The following RBPMS variants were observed in gnomAD, a reference collection of about 807,000 sequenced individuals.
RBPMS encodes the protein RNA-binding protein with multiple splicing.
RBPMS carries 7 observed loss-of-function variants against 26.8 expected under a neutral mutation model. The observed-to-expected ratio is 0.26, with a 90% confidence interval of 0.15 to 0.49. The LOEUF (loss-of-function observed/expected upper bound fraction) is 0.49, where lower values mean the gene tolerates loss of function less well. RBPMS is among the 20% of genes least tolerant of loss of function. RBPMS has a pLI of 0.98. For missense variants in RBPMS, 186 were observed against 250.0 expected (o/e 0.74, Z 1.73); for synonymous variants, 96 against 93.3 (o/e 1.03, Z -0.17).
intron 1 of RBPMS, among the ~76,000 whole-genome samples, chr8:30,419,501 A>G (rs1450130621): frequency 7.3e-6 from 1 of 137,180 alleles, no homozygotes; most frequent in Non-Finnish European, 1.6e-5. Flanking sequence ...GGAAAGTAGT[A>G]CAGGTAGAGA....
intron 1 of RBPMS, among the ~76,000 whole-genome samples, chr8:30,466,743 G>A (rs374666826): frequency 2.6e-4 from 39 of 151,748 alleles, no homozygotes; most frequent in African/African-American, 9.2e-4. Flanking sequence ...TACAGGTGCC[G>A]ACCACCACGC....
intron 6 of RBPMS, chr8:30,555,937 G>T (rs1481892614): frequency 1.0e-6 from 1 of 985,346 alleles, no homozygotes. Flanking sequence ...CCCGAACTCT[G>T]CTGTGCACCA....
At chr8:30,428,360 G>A (rs1422522493) in intron 1 of RBPMS, among the ~76,000 whole-genome samples, 1 of 152,030 alleles carries the variant, frequency 6.6e-6, no homozygotes, top group Non-Finnish European at 1.5e-5. Flanking sequence ...GGAGACAGAG[G>A]TGGGAGGATC....
At chr8:30,513,385 T>C (rs948032823) in intron 5 of RBPMS, among the ~76,000 whole-genome samples, 4 of 151,834 alleles carry the variant, frequency 2.6e-5, no homozygotes, top group African/African-American at 9.7e-5. Flanking sequence ...GTCAGGAGAT[T>C]GAGACCATCC....
intron 1 of RBPMS, among the ~76,000 whole-genome samples, chr8:30,430,028 G>A (rs1402992540): frequency 1.3e-5 from 2 of 152,142 alleles, no homozygotes; most frequent in African/African-American, 4.8e-5. Context: ...TGTAATCACA[G>A]CCCTTTGGGA....
intron 1 of RBPMS, among the ~76,000 whole-genome samples, chr8:30,414,804 G>A (rs1809872118): frequency 6.6e-6 from 1 of 152,130 alleles, no homozygotes; most frequent in Admixed American, 6.5e-5. Context: ...CACTGACAGA[G>A]GTTACATTTT....
intron 4 of RBPMS, among the ~76,000 whole-genome samples, chr8:30,483,232 A>G (rs1325248272): frequency 6.6e-6 from 1 of 152,170 alleles, no homozygotes; most frequent in African/African-American, 2.4e-5. Flanking sequence ...GAAATTGGTC[A>G]TTACTTTAAA....
intron 1 of RBPMS, among the ~76,000 whole-genome samples, chr8:30,410,229 C>T (rs988293386): frequency 8.0e-5 from 12 of 150,776 alleles, no homozygotes; most frequent in East Asian, 2.0e-4. Context: ...TTTTTTGAGA[C>T]GGAGTCTCGC....
chr8:30,527,367 T>G (rs1270624923), intron 5 of RBPMS, among the ~76,000 whole-genome samples: 5 of 152,158 alleles, frequency 3.3e-5, no homozygotes, highest in Non-Finnish European at 7.4e-5. Flanking sequence ...CCAGCCTCAC[T>G]CTGGGTGGAG....
rs549571755 is a variant in RBPMS at position 30,489,406 on chromosome 8, A to G, written c.246+10029A>G. On this transcript the variant is annotated intron_variant, in intron 4 of 8. Coordinates refer to ENST00000397323, the MANE Select transcript of RBPMS (RefSeq NM_001008710.3). ...ATGGTAAAAATGCTGTTAATTAATG[A>G]TAATGACAACCTTCACAAAGGACTG... Among the ~76,000 whole-genome samples, 12 of 152,282 alleles carry G rather than the reference A, an allele frequency of 7.9e-5. No homozygotes were observed. The South Asian group carries it at 2.5e-3, about 32-fold the overall frequency.
In RBPMS at chr8:30,537,644, CTTGA is replaced by C. The variant is rs1421929556; in HGVS notation, c.398-6843_398-6840del. The C allele has an allele frequency of 6.6e-6, 3 of 456,084 alleles. No homozygotes were observed. The Admixed American group carries it at 7.0e-5, about 11-fold the overall frequency. 28.3% of individuals were successfully genotyped at this position (456,084 alleles called of 1,614,324 possible). A position where few individuals can be genotyped will look rare whatever the true frequency, so the allele number is the denominator to read the frequency against. On this transcript the variant is annotated intron_variant, in intron 5 of 8. Transcript: ENST00000397323. Reference sequence around the variant, plus strand: ...GAAGTGAAGGGTCTGGACTCATGATCTTGATTGATTCACATCCTGGCTCTGTGAG... The same window carrying C: ...GAAGTGAAGGGTCTGGACTCATGATCTTGATTCACATCCTGGCTCTGTGAG...
At chr8:30,549,793 T>TCTCTCTCTCTCTCC (rs1464873852) in intron 6 of RBPMS, among the ~76,000 whole-genome samples, 25 of 109,358 alleles carry the variant, frequency 2.3e-4, no homozygotes, top group African/African-American at 9.4e-4. Context: ...TCTCTCTCTC[T>TCTCTCTCTCTCTCC]CTCCCCTCTC....
chr8:30,424,496 A>C (rs539623637), intron 1 of RBPMS, among the ~76,000 whole-genome samples: 27 of 152,290 alleles, frequency 1.8e-4, no homozygotes, highest in African/African-American at 6.3e-4. Flanking sequence ...GACATTGGAA[A>C]TTTAATTATA....
chr8:30,535,396 T>G (rs1824681403), intron 5 of RBPMS, among the ~76,000 whole-genome samples: 1 of 152,198 alleles, frequency 6.6e-6, no homozygotes, highest in Admixed American at 6.5e-5. Context: ...GGTGCAGTGT[T>G]CAGGGTACAC....
intron 5 of RBPMS, among the ~76,000 whole-genome samples, chr8:30,505,989 A>G (rs1381790711): frequency 6.6e-6 from 1 of 152,208 alleles, no homozygotes; most frequent in Non-Finnish European, 1.5e-5. Flanking sequence ...AGGAAATGTA[A>G]TGCTGGTGAT....
chr8:30,451,088 G>GACC (rs1814530155), intron 1 of RBPMS, among the ~76,000 whole-genome samples: 1 of 152,156 alleles, frequency 6.6e-6, no homozygotes, highest in Non-Finnish European at 1.5e-5. Context: ...CCATCCTGGG[G>GACC]TCTTGTACAG....
intron 1 of RBPMS, among the ~76,000 whole-genome samples, chr8:30,434,123 A>G (rs1812205085): frequency 6.6e-6 from 1 of 150,872 alleles, no homozygotes; most frequent in Non-Finnish European, 1.5e-5. Context: ...TCTCAAAAAA[A>G]ATAAAAAATA....
chr8:30,494,317 C>T (rs973965261), intron 4 of RBPMS, among the ~76,000 whole-genome samples: 2 of 152,146 alleles, frequency 1.3e-5, no homozygotes, highest in African/African-American at 4.8e-5. Context: ...AAGAACCTCT[C>T]CAAAAAAGCC....
At chr8:30,410,733 T>G (rs1190629878) in intron 1 of RBPMS, among the ~76,000 whole-genome samples, 3 of 141,396 alleles carry the variant, frequency 2.1e-5, no homozygotes, top group Non-Finnish European at 4.5e-5. Flanking sequence ...TTTTTTTTTT[T>G]GTTTGTTTTG....
Sources: gnomAD v4.1 joint callset for allele counts (sites outside exome capture counted in the v4.1 genomes callset) on GRCh38, gnomAD v4.1.1 for gene constraint, MANE v1.5 for transcripts, NCBI Gene and HGNC (gene_info 2026-07-23, HGNC 2026-07-21) for gene names.